The following HSPA12A variants were observed in gnomAD, a reference collection of about 807,000 sequenced individuals.
The protein encoded by HSPA12A is heat shock protein family A (Hsp70) member 12A, also known as heat shock 70 kDa protein 12A.
A neutral mutation model predicts 69.2 loss-of-function variants in HSPA12A; 28 were observed. The observed-to-expected ratio is 0.40, with a 90% CI of 0.30 to 0.55. The LOEUF is 0.55. HSPA12A is among the 20% of genes least tolerant of loss of function. The pLI, the probability that HSPA12A is intolerant of heterozygous loss-of-function variation, is 0.38. For missense variants in HSPA12A, 686 were observed against 900.7 expected, an observed-to-expected ratio of 0.76 and a Z score of 3.05; for synonymous variants, 345 against 370.5, an observed-to-expected ratio of 0.93 and a Z score of 0.79.
intron 2 of HSPA12A, among the ~76,000 whole-genome samples, chr10:116,765,095 A>C (rs1182470890): frequency 6.6e-6 from 1 of 152,166 alleles, no homozygotes; most frequent in Non-Finnish European, 1.5e-5. Flanking sequence ...GGTGAGGTAA[A>C]TGCATGCTAC....
chr10:116,695,847 A>C (rs7896920), intron 5 of HSPA12A, among the ~76,000 whole-genome samples: 1 of 147,054 alleles, frequency 6.8e-6, no homozygotes, highest in Non-Finnish European at 1.5e-5. Flanking sequence ...AAAAGAAAAA[A>C]CAAAAATTAG....
chr10:116,754,362 T>C (rs1266205627), intron 2 of HSPA12A, among the ~76,000 whole-genome samples: 1 of 152,276 alleles, frequency 6.6e-6, no homozygotes, highest in Non-Finnish European at 1.5e-5. Context: ...AAAAGATTTG[T>C]TATTTTCTAC....
intron 2 of HSPA12A, among the ~76,000 whole-genome samples, chr10:116,706,592 C>T (rs1271262712): frequency 2.0e-5 from 3 of 152,194 alleles, no homozygotes; most frequent in African/African-American, 7.2e-5. Context: ...CGGGCACTCA[C>T]TCAGGTTGGC....
intron 1 of HSPA12A, among the ~76,000 whole-genome samples, chr10:116,738,584 TGGA>T (rs1187890551): frequency 5.3e-5 from 8 of 152,116 alleles, no homozygotes; most frequent in Non-Finnish European, 1.0e-4. Context: ...ACAGGGTTGC[TGGA>T]GGAGTCAATG....
chr10:116,810,126 G>A (rs1303949365), intron 2 of HSPA12A, among the ~76,000 whole-genome samples: 1 of 152,200 alleles, frequency 6.6e-6, no homozygotes, highest in East Asian at 1.9e-4. Flanking sequence ...TGCTGGGGTC[G>A]CAAGGTGTTT....
intron 2 of HSPA12A, among the ~76,000 whole-genome samples, chr10:116,811,509 TC>T (rs1665305332): frequency 6.7e-6 from 1 of 148,804 alleles, no homozygotes; most frequent in African/African-American, 2.5e-5. Flanking sequence ...AGGCAGCTGG[TC>T]CTGCTCCAGG....
At chr10:116,771,102 C>T (rs1844197180) in intron 2 of HSPA12A, among the ~76,000 whole-genome samples, 1 of 152,124 alleles carries the variant, frequency 6.6e-6, no homozygotes, top group African/African-American at 2.4e-5. Flanking sequence ...TGGACTGTGG[C>T]TCCCGAGTCT....
intron 5 of HSPA12A, among the ~76,000 whole-genome samples, chr10:116,695,951 C>T (rs999537800): frequency 2.8e-5 from 4 of 142,730 alleles, no homozygotes; most frequent in African/African-American, 1.0e-4. Flanking sequence ...TGTGGTGAGC[C>T]GAGATCGCAC....
chr10:116,713,820 C>G (rs1423349070), intron 1 of HSPA12A, among the ~76,000 whole-genome samples: 2 of 152,196 alleles, frequency 1.3e-5, no homozygotes, highest in African/African-American at 4.8e-5. Flanking sequence ...CCTTACAGCC[C>G]TTCCCTCCAG....
intron 2 of HSPA12A, among the ~76,000 whole-genome samples, chr10:116,786,112 T>C (rs923887962): frequency 2.0e-5 from 3 of 152,114 alleles, no homozygotes; most frequent in African/African-American, 7.2e-5. Context: ...GTGGAGCCTC[T>C]CGGGTAATTA....
chr10:116,674,830 A>G lies in HSPA12A; in HGVS notation c.1979T>C (p.Ile660Thr), dbSNP rs369963832. The G allele has an allele frequency of 3.8e-5, 62 of 1,613,376 alleles. No individual in the cohort carries two copies. Among genetic ancestry groups the G allele is most frequent in the African/African-American group, 8.0e-5 (6 of 74,936 alleles). ...AACTTTGACACTCTTCGAAGTGGCT[A>G]TATCAATGGCTGTGGCTTTGATCTC... Reference protein sequence around the residue: ...DTEIKATAIDIATSKSVKVGI... With the variant: ...DTEIKATAIDTATSKSVKVGI... Residue 660 changes from isoleucine to threonine, a missense_variant, in exon 12 of 12, where the codon ATA becomes ACA. By Grantham distance (89) the Ile-to-Thr change is moderately conservative. Coordinates refer to ENST00000369209, the MANE Select transcript of HSPA12A (RefSeq NM_025015.3).
At chr10:116,730,396 T>C (rs1851112930) in intron 1 of HSPA12A, among the ~76,000 whole-genome samples, 1 of 152,194 alleles carries the variant, frequency 6.6e-6, no homozygotes, top group African/African-American at 2.4e-5. Context: ...AAACCAGGAC[T>C]TTCTAACTGA....
chr10:116,832,321 C>T (rs1450739355), intron 2 of HSPA12A: 1 of 152,178 alleles, frequency 6.6e-6, no homozygotes, highest in Non-Finnish European at 1.5e-5. Context: ...GCACGTGCCA[C>T]CACACCCAGC....
At chr10:116,782,665 G>C (rs1844488992) in intron 2 of HSPA12A, among the ~76,000 whole-genome samples, 1 of 152,182 alleles carries the variant, frequency 6.6e-6, no homozygotes. Context: ...AGACTATTCA[G>C]GTAGGGCTCA....
At chr10:116,711,752 C>A (rs1048235079) in intron 1 of HSPA12A, among the ~76,000 whole-genome samples, 17 of 151,186 alleles carry the variant, frequency 1.1e-4, no homozygotes, top group African/African-American at 4.1e-4. Flanking sequence ...CAAGCTCCAC[C>A]TCCCAGGTTC....
At chr10:116,818,910 G>A (rs1454863288) in intron 2 of HSPA12A, among the ~76,000 whole-genome samples, 2 of 152,080 alleles carry the variant, frequency 1.3e-5, no homozygotes, top group East Asian at 3.9e-4. Context: ...TCGCACCTAA[G>A]GGCACCCTTC....
intron 2 of HSPA12A, among the ~76,000 whole-genome samples, chr10:116,816,462 G>A (rs759095230): frequency 6.6e-6 from 1 of 152,216 alleles, no homozygotes; most frequent in Non-Finnish European, 1.5e-5. Flanking sequence ...CCGAGGCCTG[G>A]AGTTTTTAGC....
intron 2 of HSPA12A, among the ~76,000 whole-genome samples, chr10:116,820,742 T>C (rs1845396970): frequency 6.6e-6 from 1 of 152,066 alleles, no homozygotes; most frequent in African/African-American, 2.4e-5. Context: ...GTACCAACTA[T>C]ATGCTAATGA....
chr10:116,813,297 G>A (rs1589721372), intron 2 of HSPA12A, among the ~76,000 whole-genome samples: 1 of 121,856 alleles, frequency 8.2e-6, no homozygotes, highest in East Asian at 2.5e-4. Context: ...CCATGCTGGA[G>A]TGCAGTGGCG....
Sources: allele counts gnomAD v4.1 joint callset (sites outside exome capture counted in the v4.1 genomes callset), GRCh38; gene constraint gnomAD v4.1.1; transcripts MANE v1.5; gene names NCBI Gene and HGNC (gene_info 2026-07-23, HGNC 2026-07-21).